The following NKAIN3 variants were observed in gnomAD, a reference collection of about 807,000 sequenced individuals.
The protein encoded by NKAIN3 is sodium/potassium-transporting ATPase subunit beta-1-interacting protein 3.
Under a neutral mutation model 30.2 loss-of-function variants are expected in NKAIN3, and 25 were observed. That is an observed-to-expected ratio of 0.83 (90% CI 0.60 to 1.16). The LOEUF (loss-of-function observed/expected upper bound fraction) is 1.16. NKAIN3 is among the 50% of genes most tolerant of loss of function. The pLI is 0.00. For synonymous variants in NKAIN3, 91 were observed against 89.6 expected, an observed-to-expected ratio of 1.02 and a Z score of -0.09; for missense variants, 225 against 254.1, an observed-to-expected ratio of 0.89 and a Z score of 0.78.
chr8:62,560,377 T>C (rs995011492), intron 1 of NKAIN3, among the ~76,000 whole-genome samples: 1 of 152,054 alleles, frequency 6.6e-6, no homozygotes, highest in Non-Finnish European at 1.5e-5. Flanking sequence ...CTCCTCTCTT[T>C]CCAGTATTCT....
chr8:62,773,208 T>A (rs1817080470), intron 4 of NKAIN3, among the ~76,000 whole-genome samples: 1 of 152,140 alleles, frequency 6.6e-6, no homozygotes, highest in Non-Finnish European at 1.5e-5. Flanking sequence ...TTGAGTTTTT[T>A]AATTCACTTT....
intron 1 of NKAIN3, among the ~76,000 whole-genome samples, chr8:62,499,506 G>A (rs928484644): frequency 4.6e-5 from 7 of 152,090 alleles, no homozygotes; most frequent in African/African-American, 7.2e-5. Context: ...GTATTTCACC[G>A]AAGGTCTCCA....
intron 4 of NKAIN3, among the ~76,000 whole-genome samples, chr8:62,869,598 T>A (rs1010547260): frequency 5.9e-5 from 9 of 152,282 alleles, no homozygotes; most frequent in African/African-American, 2.2e-4. Context: ...CCAAATCGGC[T>A]CTCAGTGCGG....
chr8:62,786,757 AG>A (rs1440771845), intron 4 of NKAIN3, among the ~76,000 whole-genome samples: 1 of 152,180 alleles, frequency 6.6e-6, no homozygotes, highest in Non-Finnish European at 1.5e-5. Flanking sequence ...CCTTTGAGAA[AG>A]GTCTGTAACA....
intron 1 of NKAIN3, among the ~76,000 whole-genome samples, chr8:62,557,205 C>A (rs962101628): frequency 6.6e-6 from 1 of 152,072 alleles, no homozygotes; most frequent in Non-Finnish European, 1.5e-5. Context: ...CAATAGTCTC[C>A]AGTCTCATCC....
intron 4 of NKAIN3, among the ~76,000 whole-genome samples, chr8:62,774,023 A>G (rs1817103211): frequency 6.6e-6 from 1 of 152,176 alleles, no homozygotes; most frequent in Non-Finnish European, 1.5e-5. Flanking sequence ...GACAATATTG[A>G]TTCTTCCAGC....
intron 3 of NKAIN3, among the ~76,000 whole-genome samples, chr8:62,682,482 C>T (rs998857618): frequency 1.3e-5 from 2 of 152,068 alleles, no homozygotes; most frequent in African/African-American, 2.4e-5. Context: ...TTGGACAGAA[C>T]GTGGGGGAGG....
chr8:62,804,391 A>C (rs2130701073), intron 4 of NKAIN3, among the ~76,000 whole-genome samples: 1 of 152,308 alleles, frequency 6.6e-6, no homozygotes, highest in East Asian at 1.9e-4. Context: ...CATTGATGCA[A>C]AAATCCTCAA....
At chr8:62,569,309 TAC>T (rs1193757490) in intron 1 of NKAIN3, among the ~76,000 whole-genome samples, 1 of 152,172 alleles carries the variant, frequency 6.6e-6, no homozygotes, top group Non-Finnish European at 1.5e-5. Context: ...ACTCTGAAAT[TAC>T]AGTTTAAAAT....
intron 4 of NKAIN3, among the ~76,000 whole-genome samples, chr8:62,914,778 T>C (rs1033787034): frequency 1.1e-5 from 1 of 92,736 alleles, no homozygotes; most frequent in Non-Finnish European, 2.0e-5. Context: ...TACTGTAATC[T>C]TTTTTTTTTT....
Position 62,328,103 on chromosome 8 carries a change from T to C in NKAIN3, c.54+78976T>C, listed in dbSNP as rs181411918. On this transcript the variant is annotated intron_variant, in intron 1 of 6. Coordinates refer to ENST00000623646, the MANE Select transcript of NKAIN3 (RefSeq NM_001304533.3). ...ATGCCAACTTATTCCATTTATAGAC[T>C]GAAAAATGTATATCAATTTTGTACC... Among the ~76,000 whole-genome samples the C allele has an allele frequency of 6.3e-4, 96 of 152,224 alleles. No individual in the cohort carries two copies. In the Middle Eastern group the frequency reaches 0.017, roughly 27 times the overall value.
chr8:62,732,047 G>T (rs779226125), intron 3 of NKAIN3, among the ~76,000 whole-genome samples: 5 of 151,804 alleles, frequency 3.3e-5, no homozygotes, highest in African/African-American at 4.8e-5. Context: ...CTGTATGTGT[G>T]TATAGTACCA....
intron 1 of NKAIN3, among the ~76,000 whole-genome samples, chr8:62,554,447 C>A (rs827709): frequency 0.21 from 31,441 of 151,956 alleles, 3,453 homozygotes; most frequent in East Asian, 0.37. Context: ...CTAGACCTAA[C>A]CCATCCCCAG....
At chr8:62,563,219 CT>C (rs1276450029) in intron 1 of NKAIN3, among the ~76,000 whole-genome samples, 9 of 152,016 alleles carry the variant, frequency 5.9e-5, no homozygotes, top group Admixed American at 4.6e-4. Flanking sequence ...TTAAGGGTGC[CT>C]TTTGCATGGG....
At chr8:62,485,368 C>T (rs987033198) in intron 1 of NKAIN3, among the ~76,000 whole-genome samples, 2 of 152,038 alleles carry the variant, frequency 1.3e-5, no homozygotes, top group Non-Finnish European at 2.9e-5. Flanking sequence ...TTGTTTTCAC[C>T]ACAATGAGTG....
At chr8:62,276,291 C>T (rs1281942956) in intron 1 of NKAIN3, among the ~76,000 whole-genome samples, 1 of 152,144 alleles carries the variant, frequency 6.6e-6, no homozygotes, top group Non-Finnish European at 1.5e-5. Flanking sequence ...GTATCGAACT[C>T]ATTACCTCAA....
chr8:62,411,298 A>G (rs1563386551), intron 1 of NKAIN3, among the ~76,000 whole-genome samples: 1 of 152,196 alleles, frequency 6.6e-6, no homozygotes, highest in African/African-American at 2.4e-5. Context: ...AAAAGCAAAA[A>G]CATGAGATCC....
At chr8:62,988,734 C>T (rs147049718), downstream of NKAIN3, among the ~76,000 whole-genome samples, 581 of 152,346 alleles carry the variant, frequency 3.8e-3, 7 homozygotes, top group African/African-American at 0.013. Flanking sequence ...CTCTGACATG[C>T]CCTGGAGACA....
At chr8:62,527,415 G>A (rs1563440738) in intron 1 of NKAIN3, among the ~76,000 whole-genome samples, 1 of 152,074 alleles carries the variant, frequency 6.6e-6, no homozygotes. Context: ...CCTTAGTCAG[G>A]ACAACAGACC....
Sources: allele counts gnomAD v4.1 joint callset (sites outside exome capture counted in the v4.1 genomes callset), GRCh38; gene constraint gnomAD v4.1.1; transcripts MANE v1.5; gene names NCBI Gene and HGNC (gene_info 2026-07-23, HGNC 2026-07-21).